Variants in RAPGEF1 observed in about 807,000 individuals in gnomAD.
RAPGEF1 encodes CRK SH3-binding GNRP.
In RAPGEF1, 33 loss-of-function variants were observed where a neutral mutation model predicts 143.3. That is an observed-to-expected ratio of 0.23 (90% CI 0.17 to 0.31). RAPGEF1 has a LOEUF of 0.31. RAPGEF1 is among the 10% of genes least tolerant of loss of function. RAPGEF1 has a pLI of 1.00. For missense variants in RAPGEF1, 1,199 were observed against 1,645.4 expected, an observed-to-expected ratio of 0.73 and a Z score of 4.69; for synonymous variants, 629 against 676.5, an observed-to-expected ratio of 0.93 and a Z score of 1.09.
chr9:131,733,909 A>AT (rs1837251892), intron 1 of RAPGEF1, among the ~76,000 whole-genome samples: 2 of 152,220 alleles, frequency 1.3e-5, no homozygotes, highest in Non-Finnish European at 2.9e-5. Context: ...TCCCATTCAA[A>AT]CCGCCTCTGC....
At chr9:131,582,111 C>T (rs1353198662) in intron 25 of RAPGEF1, among the ~76,000 whole-genome samples, 1 of 152,160 alleles carries the variant, frequency 6.6e-6, no homozygotes, top group Non-Finnish European at 1.5e-5. Context: ...TTTCCTCTCG[C>T]CCATGGTCCA....
At chr9:131,661,120 A>C (rs1340040883) in intron 1 of RAPGEF1, among the ~76,000 whole-genome samples, 1 of 152,150 alleles carries the variant, frequency 6.6e-6, no homozygotes, top group Admixed American at 6.5e-5. Flanking sequence ...GGCTGAACAC[A>C]TCCTTCCTCT....
At position 131,604,141 on chromosome 9, in the gene RAPGEF1, C is replaced by T. The variant is rs1228079355; in HGVS notation, c.2320-88G>A. 67 of 782,170 alleles carry T rather than the reference C, an allele frequency of 8.6e-5. No individual in the cohort carries two copies. The South Asian group carries it at 9.5e-4, about 11-fold the overall frequency. 48.5% of individuals were successfully genotyped at this position (782,170 alleles called of 1,614,324 possible). ...TGGCCAGGGGATGCCACAGCCTGCACTCTGGTCTTCCCAGGTGCAGAGAGC... is the reference window on the plus strand; with the variant it reads ...TGGCCAGGGGATGCCACAGCCTGCATTCTGGTCTTCCCAGGTGCAGAGAGC... On this transcript the variant is annotated intron_variant, in intron 13 of 26. Coordinates refer to ENST00000683357, the MANE Select transcript of RAPGEF1 (RefSeq NM_001377935.1).
rs780829820 is a variant in RAPGEF1 at position 131,583,125 on chromosome 9, G to A, written c.3415-423C>T. ...GCCTTTGCTCTGCCCTGTACTCAGG[G>A]AGGACCAACTAAAGATAGCATGTGA... On this transcript the variant is annotated intron_variant, in intron 24 of 26. Transcript: ENST00000683357. This position sits in a 1 kb window ranked among gnomAD's most constrained non-coding sequence, Gnocchi z 4.7. 1.3e-5 allele frequency among the ~76,000 whole-genome samples: 2 copies of A among 152,152 alleles called. No individual in the cohort carries two copies. Among genetic ancestry groups the A allele is most frequent in the South Asian group, 4.1e-4 (2 of 4,826 alleles).
At chr9:131,735,665 G>C (rs1837367104) in intron 1 of RAPGEF1, among the ~76,000 whole-genome samples, 1 of 152,232 alleles carries the variant, frequency 6.6e-6, no homozygotes, top group South Asian at 2.1e-4. Context: ...TCTCCGAGGA[G>C]GGGATGCAAA....
chr9:131,582,812 C>T (rs775034125), intron 24 of RAPGEF1, 110 bp from the exon 25 acceptor site: 180 of 896,438 alleles, frequency 2.0e-4, no homozygotes, highest in Non-Finnish European at 2.8e-4. Context: ...CACCCTCTGC[C>T]CAACTCCACA....
chr9:131,645,939 T>G (rs1969478767), intron 3 of RAPGEF1, among the ~76,000 whole-genome samples: 1 of 152,084 alleles, frequency 6.6e-6, no homozygotes. Context: ...GAGGTGACTG[T>G]GGGGGACTGA....
intron 5 of RAPGEF1, among the ~76,000 whole-genome samples, chr9:131,637,168 T>G (rs1588655761): frequency 6.7e-6 from 1 of 150,164 alleles, no homozygotes; most frequent in Non-Finnish European, 1.5e-5. Flanking sequence ...GAGGTTGCAG[T>G]GAGCCGAGAT....
At chr9:131,705,910 C>T (rs1451199578) in intron 1 of RAPGEF1, among the ~76,000 whole-genome samples, 1 of 152,170 alleles carries the variant, frequency 6.6e-6, no homozygotes, top group Non-Finnish European at 1.5e-5. Context: ...CATGGAAACA[C>T]ACGTAAATGA....
Position 131,579,114 on chromosome 9 carries a change from A to C in RAPGEF1, c.*383T>G, listed in dbSNP as rs1024164550. On this transcript the variant is annotated 3_prime_UTR_variant, in exon 27 of 27. Transcript: ENST00000683357. ...GATTCAGGGACCCTGGAGCTTAGGG[A>C]GGGGGAGCACCCACCACTTCCTTGG... is the stretch of plus-strand genomic sequence containing the variant. 1.1e-5 allele frequency: 2 copies of C among 183,870 alleles called. No individual in the cohort carries two copies. The highest frequency in any genetic ancestry group is 2.3e-5 in the Non-Finnish European group (2 of 86,982). 11.4% of individuals were successfully genotyped at this position (183,870 alleles called of 1,614,324 possible).
rs540144238 is a variant in RAPGEF1 at position 131,720,326 on chromosome 9, T to C, written c.61+19444A>G. 7.2e-5 allele frequency among the ~76,000 whole-genome samples: 11 copies of C among 152,334 alleles called. No homozygotes were observed. The East Asian group carries it at 2.1e-3, about 29-fold the overall frequency. On this transcript the variant is annotated intron_variant, in intron 1 of 26. Coordinates refer to ENST00000683357, the MANE Select transcript of RAPGEF1 (RefSeq NM_001377935.1). ...GTTACGTCATCATCATCATCATTAT[T>C]ATTATAAGGGCAACCTTTTATCTTA...
chr9:131,618,761 A>G (rs1302467866), intron 12 of RAPGEF1, among the ~76,000 whole-genome samples: 5 of 152,162 alleles, frequency 3.3e-5, no homozygotes, highest in Non-Finnish European at 5.9e-5. Flanking sequence ...CAAGGTCCAA[A>G]GCGAGATTGG....
At chr9:131,739,146 G>A (rs1308360471) in intron 1 of RAPGEF1, among the ~76,000 whole-genome samples, 2 of 152,244 alleles carry the variant, frequency 1.3e-5, no homozygotes, top group East Asian at 3.9e-4. Flanking sequence ...CAGATTTCTA[G>A]GAACACACAA....
At position 131,579,397 on chromosome 9, in the gene RAPGEF1, C is replaced by T. The variant is rs952119408; in HGVS notation, c.*100G>A. On this transcript the variant is annotated 3_prime_UTR_variant, in exon 27 of 27. Transcript: ENST00000683357. The stretch of plus-strand genomic sequence containing the variant: ...CTGGCCAGCCTCATGGCTCCGAGGC[C>T]GGGACTCCTGCCATGCGCCTAACAG... The T allele has an allele frequency of 1.3e-5, 19 of 1,472,690 alleles. No homozygotes were observed. Among genetic ancestry groups the T allele is most frequent in the South Asian group, 6.7e-5 (5 of 74,538 alleles). 91.2% of individuals were successfully genotyped at this position (1,472,690 alleles called of 1,614,324 possible).
At chr9:131,737,543 A>G in intron 1 of RAPGEF1, 1 of 1,607,444 alleles carries the variant, frequency 6.2e-7, no homozygotes, top group Non-Finnish European at 8.5e-7. Flanking sequence ...AAAAGGCCCA[A>G]GGACAAACTA....
chr9:131,608,076 T>C (rs1365988192), intron 12 of RAPGEF1, among the ~76,000 whole-genome samples: 66 of 152,238 alleles, frequency 4.3e-4, no homozygotes, highest in Non-Finnish European at 2.1e-4. Flanking sequence ...TTGTGTGCCC[T>C]AGTACAAGTG....
At chr9:131,700,785 T>G (rs183301257) in intron 1 of RAPGEF1, among the ~76,000 whole-genome samples, 27 of 152,316 alleles carry the variant, frequency 1.8e-4, no homozygotes, top group African/African-American at 6.5e-4. Context: ...TGAATGTGTG[T>G]GTGCCGGAGA....
chr9:131,739,925 G>A lies in RAPGEF1; in HGVS notation c.-95C>T, dbSNP rs1355346099. 2.7e-6 allele frequency: 2 copies of A among 732,844 alleles called. No homozygotes were observed. Among genetic ancestry groups the A allele is most frequent in the South Asian group, 6.0e-5 (1 of 16,626 alleles). 45.4% of individuals were successfully genotyped at this position (732,844 alleles called of 1,614,324 possible). ...CCACGCCTCAGACCCGCGCCGGCAT[G>A]GCGGGCTCCGCGCGGCCGCGGCCCT... On this transcript the variant is annotated 5_prime_UTR_variant, in exon 1 of 27. Transcript: ENST00000683357.
intron 1 of RAPGEF1, among the ~76,000 whole-genome samples, chr9:131,659,795 T>C (rs552095036): frequency 6.6e-6 from 1 of 152,018 alleles, no homozygotes; most frequent in South Asian, 2.1e-4. Flanking sequence ...CCCAGTCTAG[T>C]CGAGCCAAAA....
Sources: allele counts gnomAD v4.1 joint callset (sites outside exome capture counted in the v4.1 genomes callset), GRCh38; gene constraint gnomAD v4.1.1; non-coding constraint Gnocchi (gnomAD v3.1); transcripts MANE v1.5; gene names NCBI Gene and HGNC (gene_info 2026-07-23, HGNC 2026-07-21).